The following ARHGEF3 variants were observed in gnomAD, a reference collection of about 807,000 sequenced individuals.
The protein encoded by ARHGEF3 is Rho guanine nucleotide exchange factor 3, also known as 59.8 kDA protein.
A neutral mutation model predicts 63.2 loss-of-function variants in ARHGEF3; 28 were observed. The observed-to-expected ratio is 0.44, with a 90% CI of 0.33 to 0.61. ARHGEF3 has a LOEUF of 0.61. ARHGEF3 is among the 20% of genes least tolerant of loss of function. ARHGEF3 has a pLI of 0.03. For synonymous variants in ARHGEF3, 266 were observed against 254.2 expected, an observed-to-expected ratio of 1.05 and a Z score of -0.44; for missense variants, 533 against 659.3, an observed-to-expected ratio of 0.81 and a Z score of 2.10.
At chr3:56,819,518 T>G (rs1044971711) in intron 4 of ARHGEF3, among the ~76,000 whole-genome samples, 10 of 151,984 alleles carry the variant, frequency 6.6e-5, no homozygotes, top group South Asian at 6.3e-4. Context: ...GCAGTTTTTT[T>G]TTTTTTTTTT....
intron 3 of ARHGEF3, among the ~76,000 whole-genome samples, chr3:56,935,623 G>A (rs997968702): frequency 2.0e-5 from 3 of 152,096 alleles, no homozygotes; most frequent in Non-Finnish European, 4.4e-5. Context: ...TGCCTTAAGA[G>A]CTGTAACACT....
intron 3 of ARHGEF3, among the ~76,000 whole-genome samples, chr3:56,946,106 T>C (rs1699482659): frequency 6.6e-6 from 1 of 151,992 alleles, no homozygotes; most frequent in East Asian, 1.9e-4. Flanking sequence ...AGAAAGGACA[T>C]CCACACCAAA....
intron 2 of ARHGEF3, among the ~76,000 whole-genome samples, chr3:57,015,202 G>A (rs2107131915): frequency 6.6e-6 from 1 of 152,248 alleles, no homozygotes; most frequent in South Asian, 2.1e-4. Flanking sequence ...ACTGAGTTAA[G>A]TAGCCACCTG....
chr3:57,002,848 A>C (rs1309025234), intron 2 of ARHGEF3, among the ~76,000 whole-genome samples: 9 of 147,448 alleles, frequency 6.1e-5, no homozygotes, highest in Admixed American at 5.5e-4. Context: ...ATCTTGGCTC[A>C]CTGCAACCTC....
chr3:57,043,894 T>C (rs577362999), intron 1 of ARHGEF3, among the ~76,000 whole-genome samples: 1 of 152,234 alleles, frequency 6.6e-6, no homozygotes, highest in Non-Finnish European at 1.5e-5. Flanking sequence ...TATATTTGCA[T>C]TTCTACTCCA....
intron 3 of ARHGEF3, among the ~76,000 whole-genome samples, chr3:56,922,202 G>A (rs2042161938): frequency 2.0e-5 from 3 of 152,116 alleles, no homozygotes; most frequent in South Asian, 4.1e-4. Context: ...AAGCACACAG[G>A]GGCCGCTTGC....
intron 3 of ARHGEF3, among the ~76,000 whole-genome samples, chr3:56,882,745 C>G (rs1476390091): frequency 2.0e-5 from 3 of 152,140 alleles, no homozygotes; most frequent in Non-Finnish European, 2.9e-5. Flanking sequence ...TCTCGAACTC[C>G]TGACCTCGTG....
chr3:56,833,841 T>TA (rs1160650625), intron 4 of ARHGEF3, among the ~76,000 whole-genome samples: 1 of 152,170 alleles, frequency 6.6e-6, no homozygotes, highest in African/African-American at 2.4e-5. Flanking sequence ...CCCCAGTGCA[T>TA]ATCACACTCA....
intron 2 of ARHGEF3, among the ~76,000 whole-genome samples, chr3:57,007,610 C>T (rs938098175): frequency 8.5e-5 from 13 of 152,158 alleles, no homozygotes; most frequent in Admixed American, 3.3e-4. Flanking sequence ...ACATTTACCA[C>T]CACACTCAGC....
intron 4 of ARHGEF3, among the ~76,000 whole-genome samples, chr3:56,876,679 A>G (rs1216126458): frequency 7.2e-6 from 1 of 139,616 alleles, no homozygotes; most frequent in East Asian, 2.7e-4. Flanking sequence ...AAATCAGCAA[A>G]ACAAAAAAAA....
At chr3:57,044,381 G>T (rs1483144389) in intron 1 of ARHGEF3, among the ~76,000 whole-genome samples, 2 of 152,210 alleles carry the variant, frequency 1.3e-5, no homozygotes, top group Non-Finnish European at 2.9e-5. Context: ...AAGCTGCACA[G>T]TACCCAGCCG....
intron 2 of ARHGEF3, among the ~76,000 whole-genome samples, chr3:56,768,796 G>C (rs1026497166): frequency 2.0e-5 from 3 of 152,122 alleles, no homozygotes; most frequent in Non-Finnish European, 4.4e-5. Flanking sequence ...TGACAAATAT[G>C]AACATTTGTG....
intron 4 of ARHGEF3, among the ~76,000 whole-genome samples, chr3:56,879,343 C>A (rs1377070689): frequency 6.6e-6 from 1 of 152,160 alleles, no homozygotes; most frequent in Non-Finnish European, 1.5e-5. Flanking sequence ...GTTAATATTT[C>A]TCAACTTTAA....
intron 3 of ARHGEF3, among the ~76,000 whole-genome samples, chr3:56,946,214 A>C (rs2106638922): frequency 6.6e-6 from 1 of 152,354 alleles, no homozygotes; most frequent in African/African-American, 2.4e-5. Flanking sequence ...TCTAAAAATC[A>C]GAGTGCCTCT....
intron 1 of ARHGEF3, among the ~76,000 whole-genome samples, chr3:57,059,025 G>C (rs1303284719): frequency 6.6e-6 from 1 of 150,938 alleles, no homozygotes; most frequent in African/African-American, 2.4e-5. Context: ...ATAGCATTAG[G>C]AGATATACCT....
intron 1 of ARHGEF3, among the ~76,000 whole-genome samples, chr3:56,779,253 A>AATAT (rs10662727): frequency 4.6e-5 from 7 of 151,848 alleles, no homozygotes; most frequent in Non-Finnish European, 8.8e-5. Context: ...TGACCATTTT[A>AATAT]ATATATATAT....
chr3:56,907,827 G>A (rs1336662835), intron 3 of ARHGEF3, among the ~76,000 whole-genome samples: 1 of 152,122 alleles, frequency 6.6e-6, no homozygotes. Context: ...GAGAACACAT[G>A]GACACACAGA....
chr3:56,892,507 T>G (rs1009453024), intron 3 of ARHGEF3, among the ~76,000 whole-genome samples: 1 of 152,202 alleles, frequency 6.6e-6, no homozygotes, highest in African/African-American at 2.4e-5. Context: ...TCACTTATTT[T>G]TTAAACACTA....
intron 2 of ARHGEF3, among the ~76,000 whole-genome samples, chr3:57,020,055 C>G (rs1703193554): frequency 6.6e-6 from 1 of 152,148 alleles, no homozygotes; most frequent in South Asian, 2.1e-4. Context: ...AGCGCCACCT[C>G]GCCCAGCTAA....
Sources: allele counts gnomAD v4.1 joint callset (sites outside exome capture counted in the v4.1 genomes callset), GRCh38; gene constraint gnomAD v4.1.1; transcripts MANE v1.5; gene names NCBI Gene and HGNC (gene_info 2026-07-23, HGNC 2026-07-21).